RTL4: variants seen among roughly 807,000 people sequenced by gnomAD.
The protein encoded by RTL4 is retrotransposon Gag like 4.
RTL4 carries 4 observed loss-of-function variants against 5.3 expected under a neutral mutation model. The observed-to-expected ratio is 0.75, with a 90% CI of 0.37 to 1.72. RTL4 has a LOEUF of 1.72. Among genes scored for constraint, RTL4 ranks in the 40% most tolerant of loss-of-function variants. RTL4 has a pLI of 0.04. For missense variants in RTL4, 260 were observed against 227.1 expected (o/e 1.14, Z -0.93); for synonymous variants, 98 against 87.3 (o/e 1.12, Z -0.68).
the RTL4 span, among the ~76,000 whole-genome samples, chrX:112,084,362 A>G: frequency 9.1e-6 from 1 of 110,237 alleles, no homozygotes; most frequent in Non-Finnish European, 1.9e-5. Context: ...GGTATTGGAG[A>G]AAAGAAAATT....
At chrX:112,303,197 G>GT in the RTL4 span, among the ~76,000 whole-genome samples, 1 of 111,733 alleles carries the variant, frequency 8.9e-6, no homozygotes, top group Admixed American at 9.5e-5. Context: ...GTTCATTGCA[G>GT]TTTAGAAGAG....
the RTL4 span, among the ~76,000 whole-genome samples, chrX:112,114,701 A>T: frequency 9.0e-6 from 1 of 110,711 alleles, no homozygotes; most frequent in African/African-American, 3.3e-5. Context: ...TGGGCAGGGG[A>T]GATTAGAGGA....
the RTL4 span, among the ~76,000 whole-genome samples, chrX:112,442,435 G>C: frequency 1.9e-5 from 2 of 106,932 alleles, no homozygotes; most frequent in Admixed American, 2.0e-4. Flanking sequence ...TTTTAGTATA[G>C]ATGGAGTTTC....
the RTL4 span, among the ~76,000 whole-genome samples, chrX:112,285,733 A>G: frequency 1.3e-4 from 14 of 111,222 alleles, no homozygotes; most frequent in African/African-American, 3.6e-4. Flanking sequence ...CCATCTCTAT[A>G]CTTATGACTT....
chrX:112,203,131 G>A, the RTL4 span, among the ~76,000 whole-genome samples: 1 of 110,563 alleles, frequency 9.0e-6, no homozygotes, highest in Non-Finnish European at 1.9e-5. Context: ...TTTTATTGTT[G>A]AGTTTTGAGA....
At chrX:112,300,304 G>A in the RTL4 span, among the ~76,000 whole-genome samples, 2 of 112,252 alleles carry the variant, frequency 1.8e-5, no homozygotes, top group South Asian at 3.6e-4. Context: ...GTCCTCTGGT[G>A]ATAACATTTA....
the RTL4 span, among the ~76,000 whole-genome samples, chrX:112,330,191 A>G: frequency 9.4e-6 from 1 of 106,135 alleles, no homozygotes; most frequent in African/African-American, 3.5e-5. Flanking sequence ...AATAAAGGGT[A>G]TTCAATTAGG....
the RTL4 span, among the ~76,000 whole-genome samples, chrX:112,188,726 ACACT>A: frequency 2.0e-5 from 2 of 101,123 alleles, no homozygotes; most frequent in Non-Finnish European, 4.0e-5. Context: ...AAACAAACAA[ACACT>A]CACCCTCAAA....
chrX:112,229,968 C>T, the RTL4 span, among the ~76,000 whole-genome samples: 5 of 112,584 alleles, frequency 4.4e-5, no homozygotes, highest in South Asian at 3.7e-4. Flanking sequence ...TTAGGCTACT[C>T]GGGAGCCAGG....
the RTL4 span, among the ~76,000 whole-genome samples, chrX:112,143,883 C>G: frequency 8.9e-6 from 1 of 111,993 alleles, no homozygotes. Context: ...GATGTTTCCC[C>G]AGTTTTATTA....
At chrX:112,261,723 CCACA>C in the RTL4 span, among the ~76,000 whole-genome samples, 1 of 111,900 alleles carries the variant, frequency 8.9e-6, no homozygotes, top group African/African-American at 3.2e-5. Context: ...AAAAAAGAGG[CCACA>C]TTGCCAAGTC....
chrX:112,247,690 G>A, the RTL4 span, among the ~76,000 whole-genome samples: 9 of 112,135 alleles, frequency 8.0e-5, no homozygotes, highest in Middle Eastern at 4.7e-3. Flanking sequence ...ATTAAATCCC[G>A]GTTTGATGCC....
At chrX:112,120,203 T>C in the RTL4 span, among the ~76,000 whole-genome samples, 2 of 112,492 alleles carry the variant, frequency 1.8e-5, no homozygotes, top group Admixed American at 1.9e-4. Context: ...CATGAAATAG[T>C]TTCAGGTGGA....
the RTL4 span, among the ~76,000 whole-genome samples, chrX:112,111,301 C>T: frequency 9.1e-6 from 1 of 110,440 alleles, no homozygotes; most frequent in Non-Finnish European, 1.9e-5. Context: ...TTGTCTCTGT[C>T]TCTTCCTCTC....
chrX:112,086,216 A>T, the RTL4 span, among the ~76,000 whole-genome samples: 6 of 112,086 alleles, frequency 5.4e-5, no homozygotes, highest in Non-Finnish European at 1.1e-4. Flanking sequence ...TCCTACAACA[A>T]TTTTTTGTGA....
At chrX:112,244,219 G>T in the RTL4 span, among the ~76,000 whole-genome samples, 49 of 111,706 alleles carry the variant, frequency 4.4e-4, no homozygotes, top group Non-Finnish European at 8.1e-4. Flanking sequence ...GGTCTGCTTG[G>T]TGCAGAGCAG....
the RTL4 span, among the ~76,000 whole-genome samples, chrX:112,416,642 G>C: frequency 1.8e-5 from 2 of 112,153 alleles, no homozygotes; most frequent in Non-Finnish European, 3.8e-5. Context: ...AAGTGATATA[G>C]AAATCAGGCA....
the RTL4 span, among the ~76,000 whole-genome samples, chrX:112,362,079 A>C: frequency 8.9e-6 from 1 of 112,180 alleles, no homozygotes; most frequent in African/African-American, 3.2e-5. Flanking sequence ...TTGTGCAAAT[A>C]TCCTTCTGAG....
chrX:112,435,173 C>T, the RTL4 span, among the ~76,000 whole-genome samples: 1 of 111,270 alleles, frequency 9.0e-6, no homozygotes, highest in Non-Finnish European at 1.9e-5. Flanking sequence ...GGTGAGATTT[C>T]GGTTGGGACA....
Sources: allele counts gnomAD v4.1 joint callset (sites outside exome capture counted in the v4.1 genomes callset), GRCh38; gene constraint gnomAD v4.1.1; transcripts MANE v1.5; gene names NCBI Gene and HGNC (gene_info 2026-07-23, HGNC 2026-07-21).